STAU2: variants seen among roughly 807,000 people sequenced by gnomAD.
The protein encoded by STAU2 is double-stranded RNA-binding protein Staufen homolog 2.
STAU2 carries 20 observed loss-of-function variants against 65.9 expected under a neutral mutation model. The observed-to-expected ratio is 0.30, with a 90% CI of 0.21 to 0.44. The LOEUF (loss-of-function observed/expected upper bound fraction) is 0.44. STAU2 is among the 20% of genes least tolerant of loss of function. STAU2 has a pLI of 1.00. For missense variants in STAU2, 558 were observed against 683.9 expected (o/e 0.82, Z 2.05); for synonymous variants, 232 against 233.9 (o/e 0.99, Z 0.07).
chr8:73,689,804 C>T (rs1345572987), intron 4 of STAU2, among the ~76,000 whole-genome samples: 1 of 152,006 alleles, frequency 6.6e-6, no homozygotes, highest in Non-Finnish European at 1.5e-5. Flanking sequence ...GTTAGCATCA[C>T]CAATAATCAT....
intron 13 of STAU2, among the ~76,000 whole-genome samples, chr8:73,546,117 G>C (rs1344581285): frequency 1.6e-5 from 2 of 124,110 alleles, no homozygotes; most frequent in Non-Finnish European, 3.4e-5. Context: ...ATTTTTGTTT[G>C]GTTTTCTTTT....
chr8:73,486,569 T>C lies in STAU2; in HGVS notation c.1531-63867A>G, dbSNP rs770230408. ...CAGCTACTCTATCAAACATGACCGC[T>C]AATTTTAGAAAATCCTTTCTCTTTT... On this transcript the variant is annotated intron_variant, in intron 13 of 14. Transcript: ENST00000524300. Among the ~76,000 whole-genome samples the C allele has an allele frequency of 4.7e-5, 7 of 150,422 alleles. No homozygotes were observed. In the East Asian group the frequency reaches 1.2e-3, roughly 25 times the overall value.
intron 13 of STAU2, among the ~76,000 whole-genome samples, chr8:73,525,128 T>C (rs935461641): frequency 5.9e-5 from 9 of 152,206 alleles, no homozygotes; most frequent in African/African-American, 2.2e-4. Flanking sequence ...CTGTCCAACA[T>C]TTATTCCAGT....
intron 6 of STAU2, among the ~76,000 whole-genome samples, chr8:73,634,353 C>A (rs1814336832): frequency 6.6e-6 from 1 of 152,046 alleles, no homozygotes; most frequent in East Asian, 1.9e-4. Flanking sequence ...CATGGTGAAA[C>A]CCCATCTCCA....
At chr8:73,573,931 G>A (rs1312662295) in intron 12 of STAU2, among the ~76,000 whole-genome samples, 1 of 152,132 alleles carries the variant, frequency 6.6e-6, no homozygotes. Flanking sequence ...AAGAGCTTCT[G>A]CACAGCAAAA....
chr8:73,501,791 T>C (rs946004782), intron 13 of STAU2, among the ~76,000 whole-genome samples: 7 of 152,016 alleles, frequency 4.6e-5, no homozygotes, highest in African/African-American at 1.2e-4. Context: ...GCCAAGATAT[T>C]TGTCAATTGC....
intron 1 of STAU2, among the ~76,000 whole-genome samples, chr8:73,741,304 C>CAAAAAAAAAAAAAAAA (rs761906073): frequency 2.1e-4 from 23 of 111,992 alleles, no homozygotes; most frequent in East Asian, 1.2e-3. Flanking sequence ...GACTCCGTCT[C>CAAAAAAAAAAAAAAAA]AAAAAAAAAA....
chr8:73,722,881 C>T (rs1380671520), intron 3 of STAU2, among the ~76,000 whole-genome samples: 6 of 152,146 alleles, frequency 3.9e-5, no homozygotes, highest in South Asian at 4.1e-4. Context: ...AAAACATCAC[C>T]GAACTTCTAA....
At chr8:73,570,781 G>C (rs1341071756) in intron 12 of STAU2, among the ~76,000 whole-genome samples, 2 of 152,224 alleles carry the variant, frequency 1.3e-5, no homozygotes, top group Non-Finnish European at 2.9e-5. Flanking sequence ...CCAGAAGAGA[G>C]TGGGGGCCAA....
At chr8:73,700,760 T>C (rs1820039981) in intron 4 of STAU2, among the ~76,000 whole-genome samples, 1 of 151,870 alleles carries the variant, frequency 6.6e-6, no homozygotes, top group Admixed American at 6.6e-5. Flanking sequence ...TTCAGAGAAA[T>C]AGGAAAAACA....
chr8:73,505,859 C>T (rs1026057005), intron 13 of STAU2, among the ~76,000 whole-genome samples: 11 of 151,986 alleles, frequency 7.2e-5, no homozygotes, highest in East Asian at 1.9e-4. Context: ...ACCTCATGAA[C>T]GGTGTAGCAT....
At chr8:73,447,612 T>C (rs1818545112) in intron 13 of STAU2, among the ~76,000 whole-genome samples, 1 of 152,156 alleles carries the variant, frequency 6.6e-6, no homozygotes, top group Non-Finnish European at 1.5e-5. Context: ...TTGTAACAAG[T>C]TGTGGGTAAA....
At chr8:73,423,762 G>A (rs1369997291) in intron 13 of STAU2, among the ~76,000 whole-genome samples, 1 of 152,136 alleles carries the variant, frequency 6.6e-6, no homozygotes, top group African/African-American at 2.4e-5. Flanking sequence ...AGTCTTGTGA[G>A]GTTTACAGAA....
chr8:73,503,447 T>G (rs1234358515), intron 13 of STAU2, among the ~76,000 whole-genome samples: 3 of 152,032 alleles, frequency 2.0e-5, no homozygotes, highest in Non-Finnish European at 4.4e-5. Context: ...ATTAATAAAA[T>G]AGGGTTTCTT....
At chr8:73,604,178 G>C (rs972373689) in intron 9 of STAU2, among the ~76,000 whole-genome samples, 4 of 151,802 alleles carry the variant, frequency 2.6e-5, no homozygotes, top group Non-Finnish European at 5.9e-5. Flanking sequence ...AACAGAAGAA[G>C]ACCAACCATG....
At chr8:73,664,023 T>C (rs1184137301) in intron 6 of STAU2, among the ~76,000 whole-genome samples, 1 of 152,212 alleles carries the variant, frequency 6.6e-6, no homozygotes, top group Non-Finnish European at 1.5e-5. Context: ...TTCTTATTGT[T>C]GCACTTGATA....
At chr8:73,563,356 TA>T (rs981660711) in intron 12 of STAU2, among the ~76,000 whole-genome samples, 3 of 151,944 alleles carry the variant, frequency 2.0e-5, no homozygotes, top group Non-Finnish European at 4.4e-5. Flanking sequence ...CAGGAGAGAA[TA>T]AAGGAGAATC....
At chr8:73,499,373 G>T (rs183307633) in intron 13 of STAU2, among the ~76,000 whole-genome samples, 110 of 151,874 alleles carry the variant, frequency 7.2e-4, no homozygotes, top group African/African-American at 2.5e-3. Flanking sequence ...GGACCCAAAT[G>T]GACCCAAGAT....
chr8:73,596,076 C>T (rs1279963718), intron 10 of STAU2, among the ~76,000 whole-genome samples: 1 of 151,342 alleles, frequency 6.6e-6, no homozygotes, highest in Non-Finnish European at 1.5e-5. Context: ...TGCGCCACTG[C>T]ACTCCAGCCT....
Sources: allele counts gnomAD v4.1 joint callset (sites outside exome capture counted in the v4.1 genomes callset), GRCh38; gene constraint gnomAD v4.1.1; transcripts MANE v1.5; gene names NCBI Gene and HGNC (gene_info 2026-07-23, HGNC 2026-07-21).